Variants in ATP8A2 observed in about 807,000 individuals in gnomAD.
The protein encoded by ATP8A2 is ATPase phospholipid transporting 8A2, also known as phospholipid-transporting ATPase IB.
A neutral mutation model predicts 165.6 loss-of-function variants in ATP8A2; 100 were observed. That is an observed-to-expected ratio of 0.60 (90% CI 0.51 to 0.71). The LOEUF (loss-of-function observed/expected upper bound fraction) is 0.71. Ranked by LOEUF, ATP8A2 falls within the 30% of genes least tolerant of loss-of-function variation. The pLI is 0.00. For synonymous variants in ATP8A2, 543 were observed against 548.8 expected, an observed-to-expected ratio of 0.99 and a Z score of 0.15; for missense variants, 1,227 against 1,479.5, an observed-to-expected ratio of 0.83 and a Z score of 2.80.
At chr13:25,957,791 T>C (rs1216731140) in intron 33 of ATP8A2, among the ~76,000 whole-genome samples, 1 of 152,160 alleles carries the variant, frequency 6.6e-6, no homozygotes, top group Non-Finnish European at 1.5e-5. Context: ...TTATAAATCA[T>C]TCTACTATAA....
chr13:25,819,941 G>C (rs1951130371), intron 27 of ATP8A2, among the ~76,000 whole-genome samples: 1 of 152,190 alleles, frequency 6.6e-6, no homozygotes, highest in South Asian at 2.1e-4. Context: ...TGCCACTTCA[G>C]TAAGAAACCA....
chr13:26,006,036 G>GCAAA (rs565517181), intron 35 of ATP8A2, among the ~76,000 whole-genome samples: 7 of 151,752 alleles, frequency 4.6e-5, no homozygotes, highest in Admixed American at 3.9e-4. Flanking sequence ...TTCTATCTTT[G>GCAAA]CAAACAAACA....
intron 24 of ATP8A2, among the ~76,000 whole-genome samples, chr13:25,693,753 G>A (rs1218678656): frequency 1.3e-4 from 20 of 151,974 alleles, no homozygotes; most frequent in African/African-American, 4.1e-4. Context: ...GCAGTGGCAC[G>A]ATCTTGGCTC....
At position 25,892,276 on chromosome 13, in the gene ATP8A2, C is replaced by T. The variant is rs575404512; in HGVS notation, c.3183+29868C>T. Among the ~76,000 whole-genome samples, 4 of 152,216 alleles carry T rather than the reference C, an allele frequency of 2.6e-5. No individual in the cohort carries two copies. The South Asian group carries it at 8.3e-4, about 32-fold the overall frequency. On this transcript the variant is annotated intron_variant, in intron 33 of 36. Coordinates refer to ENST00000381655, the MANE Select transcript of ATP8A2 (RefSeq NM_016529.6). ...CAGGTGTGAGCCACTGCGCCTGGCA[C>T]CTTTTTCTCATTTTTATTAGTAGGT... is the stretch of plus-strand genomic sequence containing the variant.
At chr13:25,592,745 A>G (rs1022747061) in intron 24 of ATP8A2, among the ~76,000 whole-genome samples, 5 of 152,198 alleles carry the variant, frequency 3.3e-5, no homozygotes, top group Non-Finnish European at 7.3e-5. Flanking sequence ...TCTGGAGTCC[A>G]AGAGATGAAC....
chr13:25,957,114 A>C (rs929845100), intron 33 of ATP8A2, among the ~76,000 whole-genome samples: 1 of 152,228 alleles, frequency 6.6e-6, no homozygotes, highest in African/African-American at 2.4e-5. Context: ...TTATACAAAA[A>C]ATTAACTTAA....
At chr13:25,554,863 A>T (rs371860602) in intron 12 of ATP8A2, 128 bp from the exon 13 acceptor site, 1 of 593,484 alleles carries the variant, frequency 1.7e-6, no homozygotes, top group African/African-American at 1.9e-5. Flanking sequence ...CCCAGCCAAA[A>T]TCAGCATTTC....
At chr13:25,864,218 G>A (rs1346067987) in intron 33 of ATP8A2, among the ~76,000 whole-genome samples, 3 of 152,180 alleles carry the variant, frequency 2.0e-5, no homozygotes. Flanking sequence ...GCCATAGACA[G>A]TGTTCTAAAT....
chr13:25,861,155 A>G (rs1952340180), intron 32 of ATP8A2, among the ~76,000 whole-genome samples: 1 of 152,248 alleles, frequency 6.6e-6, no homozygotes, highest in African/African-American at 2.4e-5. Context: ...TGGAAAATAT[A>G]GAAGGACAAA....
intron 35 of ATP8A2, among the ~76,000 whole-genome samples, chr13:26,008,701 A>T (rs1191508910): frequency 6.6e-6 from 1 of 152,256 alleles, no homozygotes; most frequent in Non-Finnish European, 1.5e-5. Context: ...TTATTGTAAA[A>T]GCAACCAGAA....
At position 25,898,787 on chromosome 13, in the gene ATP8A2, C is replaced by G. The variant is rs998050068; in HGVS notation, c.3183+36379C>G. Among the ~76,000 whole-genome samples the G allele has an allele frequency of 2.6e-5, 4 of 152,342 alleles. 1 individual carries two copies. In the South Asian group the frequency reaches 6.2e-4, roughly 24 times the overall value. On this transcript the variant is annotated intron_variant, in intron 33 of 36. Transcript: ENST00000381655. ...TGCAGTTTGATCTCAGACTACTGTACTAGCAATGAACGAGGCTCCGTGGGC... is the reference window on the plus strand; with the variant it reads ...TGCAGTTTGATCTCAGACTACTGTAGTAGCAATGAACGAGGCTCCGTGGGC...
In ATP8A2 at chr13:26,020,261, G is replaced by A. The variant is rs3205058; in HGVS notation, c.*276G>A. 4.6e-6 allele frequency: 2 copies of A among 434,618 alleles called. No individual in the cohort carries two copies. Among genetic ancestry groups the A allele is most frequent in the Non-Finnish European group, 8.2e-6 (2 of 242,914 alleles). The allele number at this position is 434,618 out of a possible 1,614,324, so 26.9% of individuals were successfully genotyped here. A position where few individuals can be genotyped will look rare whatever the true frequency, so the allele number is the denominator to read the frequency against. On this transcript the variant is annotated 3_prime_UTR_variant, in exon 37 of 37. Transcript: ENST00000381655. ...AGCATTCAACTGTGCTCTGTGAGGT[G>A]TGAAATTAAAAACATTATGTTTCAC...
At chr13:25,459,460 G>A (rs1184988897) in intron 1 of ATP8A2, among the ~76,000 whole-genome samples, 1 of 152,228 alleles carries the variant, frequency 6.6e-6, no homozygotes, top group Non-Finnish European at 1.5e-5. Context: ...TGGGGATGCA[G>A]AGGTGATGAA....
intron 2 of ATP8A2, among the ~76,000 whole-genome samples, chr13:25,475,065 C>T (rs1185463185): frequency 6.6e-6 from 1 of 152,002 alleles, no homozygotes; most frequent in Admixed American, 6.6e-5. Context: ...GGTGATCCAC[C>T]CGCCTTGGCC....
chr13:25,862,503 C>T lies in ATP8A2; in HGVS notation c.3183+95C>T, dbSNP rs2249800. 0.54 allele frequency: 500,012 copies of T among 919,016 alleles called. 137,921 individuals carry two copies. Among genetic ancestry groups the T allele is most frequent in the South Asian group, 0.63 (45,046 of 71,238 alleles). The allele number at this position is 919,016 out of a possible 1,614,324, so 56.9% of individuals were successfully genotyped here. A position where few individuals can be genotyped will look rare whatever the true frequency, so the allele number is the denominator to read the frequency against. On this transcript the variant is annotated intron_variant, in intron 33 of 36. Transcript: ENST00000381655. ...GCAGGCACTGTGTGTCTTACAGCCA[C>T]GATGAGCTTCAGGAGAGGCTGGTCC...
At chr13:25,937,589 C>T (rs1416146132) in intron 33 of ATP8A2, among the ~76,000 whole-genome samples, 1 of 150,824 alleles carries the variant, frequency 6.6e-6, no homozygotes, top group Non-Finnish European at 1.5e-5. Flanking sequence ...GTGGCTCACA[C>T]CTGTAATCCC....
At chr13:25,675,754 G>A (rs886525945) in intron 24 of ATP8A2, among the ~76,000 whole-genome samples, 8 of 152,162 alleles carry the variant, frequency 5.3e-5, no homozygotes, top group Non-Finnish European at 1.2e-4. Context: ...TTGTGCCGGT[G>A]TTCATGGGTT....
intron 33 of ATP8A2, among the ~76,000 whole-genome samples, chr13:25,931,530 C>T (rs1167816545): frequency 1.3e-5 from 2 of 152,170 alleles, no homozygotes; most frequent in Admixed American, 6.5e-5. Flanking sequence ...CCACCCCCCT[C>T]GACTGACGAG....
intron 25 of ATP8A2, among the ~76,000 whole-genome samples, chr13:25,749,525 A>G (rs1430805793): frequency 6.6e-6 from 1 of 151,920 alleles, no homozygotes; most frequent in Non-Finnish European, 1.5e-5. Flanking sequence ...GCAGCAGGGA[A>G]TCATGACGCA....
Sources: gnomAD v4.1 joint callset for allele counts (sites outside exome capture counted in the v4.1 genomes callset) on GRCh38, gnomAD v4.1.1 for gene constraint, MANE v1.5 for transcripts, NCBI Gene and HGNC (gene_info 2026-07-23, HGNC 2026-07-21) for gene names.